FLNC: variants seen among roughly 807,000 people sequenced by gnomAD.
FLNC encodes filamin C.
FLNC carries 91 observed loss-of-function variants against 254.3 expected under a neutral mutation model. That is an observed-to-expected ratio of 0.36 (90% CI 0.30 to 0.43). FLNC has a LOEUF of 0.43. Among genes scored for constraint, FLNC ranks in the 20% least tolerant of loss-of-function variants. The pLI is 1.00. For missense variants in FLNC, 2,853 were observed against 3,802.6 expected (o/e 0.75, Z 6.57); for synonymous variants, 1,430 against 1,577.2 (o/e 0.91, Z 2.21).
intron 35 of FLNC, 151 bp from the exon 36 acceptor site, chr7:128,852,440 G>A: frequency 2.4e-6 from 2 of 830,356 alleles, no homozygotes; most frequent in East Asian, 2.6e-5. Context: ...AGTGCAGACT[G>A]CACTTTCCAG....
chr7:128,835,775 G>A lies in FLNC; in HGVS notation c.601+201G>A, dbSNP rs1233023093. ...CTACCTGATGAGTGTGCCAGATTCC[G>A]CAGAGGCAGGAAGAGGTTTAAAACC... On this transcript the variant is annotated intron_variant, in intron 2 of 47. Transcript: ENST00000325888. The surrounding 1 kb of genome is among the most constrained non-coding windows in gnomAD (Gnocchi z 5.3). Among the ~76,000 whole-genome samples the A allele has an allele frequency of 6.6e-6, 1 of 152,144 alleles. No individual in the cohort carries two copies.
At chr7:128,850,299 T>C (rs1052327507) in intron 31 of FLNC, 85 bp from the exon 32 acceptor site, 1 of 1,183,090 alleles carries the variant, frequency 8.5e-7, no homozygotes, top group Non-Finnish European at 1.3e-6. Context: ...CCTTGTTCTT[T>C]CCTCACTCTC....
rs547037179 is a variant in FLNC at position 128,836,465 on chromosome 7, G to A, written c.602-695G>A. 4.6e-5 allele frequency among the ~76,000 whole-genome samples: 7 copies of A among 152,196 alleles called. No individual in the cohort carries two copies. The highest frequency in any genetic ancestry group is 1.9e-4 in the East Asian group (1 of 5,172). On this transcript the variant is annotated intron_variant, in intron 2 of 47. Transcript: ENST00000325888. This position sits in a 1 kb window ranked among gnomAD's most constrained non-coding sequence, Gnocchi z 6.0. Reference sequence around the variant, plus strand: ...CCAGCCTTGAGCCGGCCCCCTCCCCGAAACGGTGTGCCGTCCCCCTCCTCC... The same window carrying A: ...CCAGCCTTGAGCCGGCCCCCTCCCCAAAACGGTGTGCCGTCCCCCTCCTCC...
Position 128,856,229 on chromosome 7 carries a change from C to G in FLNC, c.7252-289C>G, listed in dbSNP as rs987710549. On this transcript the variant is annotated intron_variant, in intron 43 of 47. Coordinates refer to ENST00000325888, the MANE Select transcript of FLNC (RefSeq NM_001458.5). The surrounding 1 kb of genome is among the most constrained non-coding windows in gnomAD (Gnocchi z 5.9). ...TCAGGCACTTGCCCTCCGCCCTCAGCCTGCTTCACACAGAGTGGGGCCCTT... is the reference window on the plus strand; with the variant it reads ...TCAGGCACTTGCCCTCCGCCCTCAGGCTGCTTCACACAGAGTGGGGCCCTT... Among the ~76,000 whole-genome samples, 10 of 151,900 alleles carry G rather than the reference C, an allele frequency of 6.6e-5. No homozygotes were observed. The highest frequency in any genetic ancestry group is 1.5e-4 in the Non-Finnish European group (10 of 67,806).
At position 128,854,530 on chromosome 7, in the gene FLNC, A is replaced by C. The variant is rs1808970524; in HGVS notation, c.6845A>C (p.Glu2282Ala). ...SAYSVRFVPQEMGPHTVAVKY... is the reference protein window; with the variant it reads ...SAYSVRFVPQAMGPHTVAVKY... ...TACAGCGTGCGCTTTGTGCCCCAGGAAATGGGGCCCCATACGGTCGCTGTC... is the reference window on the plus strand; with the variant it reads ...TACAGCGTGCGCTTTGTGCCCCAGGCAATGGGGCCCCATACGGTCGCTGTC... The change falls in exon 41 of 48, where the codon GAA becomes GCA. Residue 2282 changes from glutamate to alanine, a missense_variant. Physicochemically the swap from Glu to Ala is moderately radical, Grantham distance 107. This residue lies in a region of FLNC where 551 missense variants were observed against 835.0 expected (regional missense o/e 0.66). Transcript: ENST00000325888. The C allele has an allele frequency of 6.2e-7, 1 of 1,606,806 alleles. No individual in the cohort carries two copies. Among genetic ancestry groups the C allele is most frequent in the Non-Finnish European group, 8.5e-7 (1 of 1,177,256 alleles).
Position 128,835,222 on chromosome 7 carries a change from G to C in FLNC, c.353-104G>C. The stretch of plus-strand genomic sequence containing the variant: ...TCAGGTAGGCAGAGACTAGAGGCCT[G>C]ACCCCAGAGCTCTGGCCCGAGGAGC... On this transcript the variant is annotated intron_variant, in intron 1 of 47. Coordinates refer to ENST00000325888, the MANE Select transcript of FLNC (RefSeq NM_001458.5). The surrounding 1 kb of genome is among the most constrained non-coding windows in gnomAD (Gnocchi z 5.3). 1 of 1,517,086 alleles carries C rather than the reference G, an allele frequency of 6.6e-7. No homozygotes were observed. Among genetic ancestry groups the C allele is most frequent in the South Asian group, 1.1e-5 (1 of 88,252 alleles). 94.0% of individuals were successfully genotyped at this position (1,517,086 alleles called of 1,614,324 possible). A position where few individuals can be genotyped will look rare whatever the true frequency, so the allele number is the denominator to read the frequency against.
chr7:128,837,016 C>T (rs887460243), intron 2 of FLNC, 144 bp from the exon 3 acceptor site: 1 of 661,590 alleles, frequency 1.5e-6, no homozygotes, highest in Admixed American at 2.3e-5. Context: ...CTGATGGGGT[C>T]AGCAGGAACC....
In FLNC at chr7:128,836,683, C is replaced by T. The variant is rs948901732; in HGVS notation, c.602-477C>T. Among the ~76,000 whole-genome samples, 1 of 152,184 alleles carries T rather than the reference C, an allele frequency of 6.6e-6. No individual in the cohort carries two copies. The highest frequency in any genetic ancestry group is 6.5e-5 in the Admixed American group (1 of 15,284). On this transcript the variant is annotated intron_variant, in intron 2 of 47. Transcript: ENST00000325888. The surrounding 1 kb of genome is among the most constrained non-coding windows in gnomAD (Gnocchi z 6.0). ...TTAGAAGGAATAGGGAGTCTCATAC[C>T]CTAAGACTGGTGTGGAAAGCGTTTG...
rs895726669 is a variant in FLNC at position 128,838,862 on chromosome 7, G to A, written c.1411+59G>A. On this transcript the variant is annotated intron_variant, in intron 8 of 47. Coordinates refer to ENST00000325888, the MANE Select transcript of FLNC (RefSeq NM_001458.5). ...TTACCAAAGCCAGAGGCTTGCAAGG[G>A]GCAGGAGGAAGAGCTGGGGCGGGGG... 45 of 1,531,992 alleles carry A rather than the reference G, an allele frequency of 2.9e-5. No individual in the cohort carries two copies. The African/African-American group carries it at 6.1e-4, about 21-fold the overall frequency. The allele number at this position is 1,531,992 out of a possible 1,614,324, so 94.9% of individuals were successfully genotyped here.
chr7:128,840,408 G>A, intron 9 of FLNC, 140 bp from the exon 10 acceptor site: 1 of 1,151,026 alleles, frequency 8.7e-7, no homozygotes, highest in Non-Finnish European at 1.3e-6. Context: ...AGTGTTCCCT[G>A]CCCTGAGTTG....
intron 32 of FLNC, 89 bp downstream of exon 32, chr7:128,850,572 C>G: frequency 1.5e-6 from 2 of 1,299,706 alleles, no homozygotes; most frequent in Non-Finnish European, 2.2e-6. Flanking sequence ...AAAACAAAGG[C>G]CCAGAGAGAG....
In FLNC at chr7:128,842,854, T is replaced by C. The variant is rs200653747; in HGVS notation, c.2450T>C (p.Ile817Thr). Residue 817 changes from isoleucine to threonine, a missense_variant, in exon 16 of 48, where the codon ATT (isoleucine) becomes ACT (threonine). Transcript: ENST00000325888. The surrounding 1 kb of genome is among the most constrained non-coding windows in gnomAD (Gnocchi z 5.4). ...PGVVGPAEAD[I>T]DFDIIKNDND... is the part of the protein sequence containing the mutation. ...GTGGTGGGCCCTGCAGAGGCTGACA[T>C]TGACTTCGACATCATCAAGAATGAC... 31 of 1,613,844 alleles carry C rather than the reference T, an allele frequency of 1.9e-5. No homozygotes were observed. Among genetic ancestry groups the C allele is most frequent in the African/African-American group, 8.0e-5 (6 of 74,920 alleles).
rs1467743359 is a variant in FLNC at position 128,842,392 on chromosome 7, GC to G, written c.2265+22del. ...CCTTCCGGGTGCGTCCTCCCGGCCT[GC>G]CCCGTGCCCACCACCAGGGGTCCCT... is the stretch of plus-strand genomic sequence containing the variant. On this transcript the variant is annotated intron_variant, in intron 14 of 47. Transcript: ENST00000325888. The surrounding 1 kb of genome is among the most constrained non-coding windows in gnomAD (Gnocchi z 5.4). The G allele has an allele frequency of 1.9e-6, 3 of 1,613,108 alleles. No individual in the cohort carries two copies. Among genetic ancestry groups the G allele is most frequent in the South Asian group, 2.2e-5 (2 of 91,064 alleles).
chr7:128,858,149 G>A lies in FLNC; in HGVS notation c.7922G>A (p.Arg2641Gln), dbSNP rs760857362. ...TCAGATGCCAGCAAGGTGGTGACTCGGGGCCCTGGGCTGTCCCAGGCCTTC... is the reference window on the plus strand; with the variant it reads ...TCAGATGCCAGCAAGGTGGTGACTCAGGGCCCTGGGCTGTCCCAGGCCTTC... Reference protein sequence around the residue: ...FSSDASKVVTRGPGLSQAFVG... With the variant: ...FSSDASKVVTQGPGLSQAFVG... The change falls in exon 47 of 48, where the codon CGG (arginine) becomes CAG (glutamine). Residue 2641 changes from arginine to glutamine, a missense_variant. By Grantham distance (43) the Arg-to-Gln change is conservative. Around this residue, in one of 10 missense-constraint regions of FLNC, gnomAD observed 197 missense variants for 351.5 expected, o/e 0.56. Transcript: ENST00000325888. This position sits in a 1 kb window ranked among gnomAD's most constrained non-coding sequence, Gnocchi z 6.7. The A allele has an allele frequency of 8.1e-6, 13 of 1,610,412 alleles. No individual in the cohort carries two copies. Among genetic ancestry groups the A allele is most frequent in the African/African-American group, 2.7e-5 (2 of 74,970 alleles).
chr7:128,856,891 T>G lies in FLNC; in HGVS notation c.7531T>G (p.Tyr2511Asp). 2 of 1,614,180 alleles carry G rather than the reference T, an allele frequency of 1.2e-6. No homozygotes were observed. Among genetic ancestry groups the G allele is most frequent in the African/African-American group, 2.7e-5 (2 of 75,052 alleles). Residue 2511 changes from tyrosine (Y) to aspartate (D), a missense_variant, in exon 45 of 48, where the codon TAC (tyrosine) becomes GAC (aspartate). Coordinates refer to ENST00000325888, the MANE Select transcript of FLNC (RefSeq NM_001458.5). The surrounding 1 kb of genome is among the most constrained non-coding windows in gnomAD (Gnocchi z 5.9). ...QAGDPGLVSA[Y>D]GPGLEGGTTG... is the part of the protein sequence containing the mutation. ...TGGGGACCCAGGCTTGGTGTCAGCC[T>G]ACGGTCCTGGGCTCGAGGGAGGCAC...
At position 128,836,547 on chromosome 7, in the gene FLNC, G is replaced by A. The variant is rs1173014583; in HGVS notation, c.602-613G>A. Among the ~76,000 whole-genome samples, 1 of 152,212 alleles carries A rather than the reference G, an allele frequency of 6.6e-6. No individual in the cohort carries two copies. The highest frequency in any genetic ancestry group is 6.5e-5 in the Admixed American group (1 of 15,284). On this transcript the variant is annotated intron_variant, in intron 2 of 47. Coordinates refer to ENST00000325888, the MANE Select transcript of FLNC (RefSeq NM_001458.5). This position sits in a 1 kb window ranked among gnomAD's most constrained non-coding sequence, Gnocchi z 6.0. ...TGCACCGTTCATAGGAGTGATCTGG[G>A]GCTGCCTCAGCGTCCTTCCTGTTAG...
At position 128,848,047 on chromosome 7, in the gene FLNC, C is replaced by A. The variant is rs757792021; in HGVS notation, c.4559C>A (p.Ala1520Asp). The change falls in exon 26 of 48, where the codon GCT becomes GAT. Residue 1520 changes from alanine (A) to aspartate (D), a missense_variant. Around this residue, in one of 10 missense-constraint regions of FLNC, gnomAD observed 1,573 missense variants for 1,883.5 expected, o/e 0.84. Transcript: ENST00000325888. ...DGPYTVAVKY[A>D]DQEVPRSPFK... ...CCCTACACGGTAGCCGTCAAGTATG[C>A]TGACCAGGAGGTGCCACGCAGGTGA... The A allele has an allele frequency of 6.2e-7, 1 of 1,606,088 alleles. No individual in the cohort carries two copies. Among genetic ancestry groups the A allele is most frequent in the Non-Finnish European group, 8.5e-7 (1 of 1,176,048 alleles).
Position 128,851,524 on chromosome 7 carries a change from C to A in FLNC, c.5738C>A (p.Thr1913Asn). 5.0e-6 allele frequency: 8 copies of A among 1,613,882 alleles called. No homozygotes were observed. In the East Asian group the frequency reaches 1.6e-4, roughly 31 times the overall value. ...EITCKDNKDG[T>N]CTVSYLPTAP... Reference sequence around the variant, plus strand: ...ACCTGTAAGGACAACAAGGATGGCACCTGCACCGTGTCCTATCTGCCGACT... The same window carrying A: ...ACCTGTAAGGACAACAAGGATGGCAACTGCACCGTGTCCTATCTGCCGACT... Residue 1913 changes from threonine to asparagine, a missense_variant, in exon 35 of 48, where the codon ACC becomes AAC. Around this residue, in one of 10 missense-constraint regions of FLNC, gnomAD observed 551 missense variants for 835.0 expected, o/e 0.66. Coordinates refer to ENST00000325888, the MANE Select transcript of FLNC (RefSeq NM_001458.5).
Position 128,847,810 on chromosome 7 carries a change from G to A in FLNC, c.4402G>A (p.Asp1468Asn), listed in dbSNP as rs1306417990. 1 of 1,613,684 alleles carries A rather than the reference G, an allele frequency of 6.2e-7. No individual in the cohort carries two copies. Among genetic ancestry groups the A allele is most frequent in the African/African-American group, 1.3e-5 (1 of 74,918 alleles). The change falls in exon 25 of 48, where the codon GAT becomes AAT. Residue 1468 changes from aspartate to asparagine, a missense_variant. Around this residue, in one of 10 missense-constraint regions of FLNC, gnomAD observed 1,573 missense variants for 1,883.5 expected, o/e 0.84. Coordinates refer to ENST00000325888, the MANE Select transcript of FLNC (RefSeq NM_001458.5). ...RARVPQTFTV[D>N]CSQAGRAPLQ... ...CCGGGTTCCTCAGACCTTCACAGTG[G>A]ATTGCAGTCAAGCTGGCCGGGCGCC...
Sources: allele counts gnomAD v4.1 joint callset (sites outside exome capture counted in the v4.1 genomes callset), GRCh38; gene constraint gnomAD v4.1.1; regional missense constraint gnomAD v4.1.1; non-coding constraint Gnocchi (gnomAD v3.1); transcripts MANE v1.5; gene names NCBI Gene and HGNC (gene_info 2026-07-23, HGNC 2026-07-21).